The following HPS3 variants were observed in gnomAD, a reference collection of about 807,000 sequenced individuals.
HPS3 encodes HPS3 biogenesis of lysosomal organelles complex 2 subunit 1, also known as BLOC-2 complex member HPS3.
HPS3 carries 79 observed loss-of-function variants against 110.9 expected under a neutral mutation model. The observed-to-expected ratio is 0.71, with a 90% CI of 0.59 to 0.86. The LOEUF (loss-of-function observed/expected upper bound fraction) is 0.86. HPS3 is among the 40% of genes least tolerant of loss of function. The pLI is 0.00. For missense variants in HPS3, 1,197 were observed against 1,206.2 expected, an observed-to-expected ratio of 0.99 and a Z score of 0.11; for synonymous variants, 428 against 451.0, an observed-to-expected ratio of 0.95 and a Z score of 0.65.
Position 149,162,677 on chromosome 3 carries a change from T to C in HPS3, c.2293-13T>C. On this transcript the variant is annotated splice_polypyrimidine_tract_variant and intron_variant, in intron 12 of 16. Coordinates refer to ENST00000296051, the MANE Select transcript of HPS3 (RefSeq NM_032383.5). ...TTATCTGGAATATAGAGGCTCCTTT[T>C]ACTGTTTTTAAGGTGCTTTGTGCTA... 6.2e-7 allele frequency: 1 copy of C among 1,613,778 alleles called. No homozygotes were observed. Among genetic ancestry groups the C allele is most frequent in the Non-Finnish European group, 8.5e-7 (1 of 1,179,736 alleles).
At chr3:149,142,458 T>G (rs1375543333) in intron 4 of HPS3, among the ~76,000 whole-genome samples, 1 of 152,154 alleles carries the variant, frequency 6.6e-6, no homozygotes, top group African/African-American at 2.4e-5. Context: ...ATATTGATAC[T>G]CAGGCTCTAC....
chr3:149,132,095 G>A (rs1315624880), intron 1 of HPS3, among the ~76,000 whole-genome samples: 3 of 152,232 alleles, frequency 2.0e-5, no homozygotes, highest in African/African-American at 7.2e-5. Context: ...ATATAAAAGT[G>A]CAAGGTGAAA....
rs773089048 is a variant in HPS3, at chr3:149,129,789, G to A, written c.66G>A (p.Pro22=). 1 of 1,609,326 alleles carries A rather than the reference G, an allele frequency of 6.2e-7. No homozygotes were observed. Among genetic ancestry groups the A allele is most frequent in the Non-Finnish European group, 8.5e-7 (1 of 1,179,238 alleles). The change falls in exon 1 of 17, where the codon CCG becomes CCA. Residue 22 remains proline (P), a synonymous_variant. Transcript: ENST00000296051. The part of the protein sequence containing the change: ...SQQVVPCKLE[P]DRFCGGGRDA... ...AGGTGGTGCCCTGCAAGCTGGAGCC[G>A]GACCGGTTCTGTGGCGGGGGGCGTG...
intron 2 of HPS3, 65 bp from the exon 3 acceptor site, chr3:149,140,952 G>A: frequency 7.3e-7 from 1 of 1,377,336 alleles, no homozygotes; most frequent in Non-Finnish European, 1.0e-6. Flanking sequence ...ATGTCTAATT[G>A]GTGAGAGGAT....
At chr3:149,158,943 T>G (rs1326243555) in intron 10 of HPS3, 97 bp downstream of exon 10, 7 of 851,104 alleles carry the variant, frequency 8.2e-6, no homozygotes, top group Admixed American at 2.7e-5. Flanking sequence ...TTCCAAATAT[T>G]TTTCTTCTTT....
intron 10 of HPS3, 114 bp downstream of exon 10, chr3:149,158,960 C>G (rs1390372881): frequency 2.7e-6 from 2 of 736,148 alleles, no homozygotes; most frequent in Non-Finnish European, 4.5e-6. Context: ...CTTTGATACT[C>G]TTTTTCTAAA....
chr3:149,141,531 G>GTTTTTTTTTTTTTT (rs10718838), intron 4 of HPS3, 151 bp downstream of exon 4: 20 of 382,612 alleles, frequency 5.2e-5, no homozygotes, highest in Admixed American at 1.9e-4. Flanking sequence ...TTTTTTTTTT[G>GTTTTTTTTTTTTTT]TTTTTTTTTT....
chr3:149,169,504 A>T (rs1299487990), intron 16 of HPS3, among the ~76,000 whole-genome samples: 1 of 152,210 alleles, frequency 6.6e-6, no homozygotes. Context: ...TTATCTCTCT[A>T]ATACAGCATT....
chr3:149,130,439 G>T (rs1721691307), intron 1 of HPS3: 1 of 162,040 alleles, frequency 6.2e-6, no homozygotes, highest in East Asian at 1.8e-4. Flanking sequence ...ATTATGTGTT[G>T]ATTTTTAAAT....
intron 16 of HPS3, among the ~76,000 whole-genome samples, chr3:149,168,766 G>A (rs1469452849): frequency 6.6e-6 from 1 of 152,098 alleles, no homozygotes; most frequent in African/African-American, 2.4e-5. Context: ...GATTGCTTTA[G>A]GTTTTCAGAA....
intron 1 of HPS3, among the ~76,000 whole-genome samples, chr3:149,135,427 A>G (rs1722028320): frequency 6.6e-6 from 1 of 152,064 alleles, no homozygotes; most frequent in Non-Finnish European, 1.5e-5. Context: ...GTTTCTCATG[A>G]TAGTGAATTC....
At chr3:149,143,727 T>G (rs1281463591) in intron 4 of HPS3, among the ~76,000 whole-genome samples, 1 of 152,198 alleles carries the variant, frequency 6.6e-6, no homozygotes, top group Non-Finnish European at 1.5e-5. Context: ...AGCAGTTCTC[T>G]TTGGCCAGAG....
chr3:149,147,985 C>T (rs1424097151), intron 5 of HPS3, among the ~76,000 whole-genome samples: 1 of 152,094 alleles, frequency 6.6e-6, no homozygotes, highest in African/African-American at 2.4e-5. Flanking sequence ...ATTCTCCTGC[C>T]TCAACCTCCC....
At chr3:149,154,429 C>G (rs1238654726) in intron 7 of HPS3, among the ~76,000 whole-genome samples, 5 of 152,310 alleles carry the variant, frequency 3.3e-5, no homozygotes, top group Non-Finnish European at 7.4e-5. Context: ...GGTAACTGAT[C>G]ACTTTGAGTG....
chr3:149,130,607 C>T (rs1447656687), intron 1 of HPS3, among the ~76,000 whole-genome samples: 1 of 152,096 alleles, frequency 6.6e-6, no homozygotes, highest in Non-Finnish European at 1.5e-5. Flanking sequence ...TATTGAAACC[C>T]CGTCTGTACT....
rs200079039 is a variant in HPS3 at position 149,158,844 on chromosome 3, G to T, written c.1870G>T (p.Glu624Ter). The part of the protein sequence containing the change: ...LYENLDEELN[E>*]ELAAKVVQMF... ...TGAAAACCTGGATGAAGAATTAAATGAAGTGATTATAGTTTTCTGTTTTCT... is the reference window on the plus strand; with the variant it reads ...TGAAAACCTGGATGAAGAATTAAATTAAGTGATTATAGTTTTCTGTTTTCT... The change falls in exon 10 of 17, where the codon GAA becomes TAA. Residue 624 changes from glutamate (E) to a stop codon, truncating the protein, a stop_gained and splice_region_variant. Transcript: ENST00000296051. LOFTEE classifies it high-confidence loss of function. 155 of 1,562,722 alleles carry T rather than the reference G, an allele frequency of 9.9e-5. No individual in the cohort carries two copies. Among genetic ancestry groups the T allele is most frequent in the Non-Finnish European group, 1.3e-4 (146 of 1,133,776 alleles).
intron 6 of HPS3, among the ~76,000 whole-genome samples, chr3:149,152,384 A>C: frequency 6.6e-6 from 1 of 152,316 alleles, no homozygotes; most frequent in South Asian, 2.1e-4. Context: ...TCAGAGTCTT[A>C]TAAAAGGCAG....
At chr3:149,167,359 G>A in intron 15 of HPS3, 119 bp downstream of exon 15, 1 of 783,394 alleles carries the variant, frequency 1.3e-6, no homozygotes, top group South Asian at 1.5e-5. Context: ...AAGGCTGTGT[G>A]GGTCCATTGA....
rs774646241 is a variant in HPS3 at position 149,172,202 on chromosome 3, C to A, written c.2995C>A (p.Arg999=). 6.2e-7 allele frequency: 1 copy of A among 1,613,052 alleles called. No homozygotes were observed. The highest frequency in any genetic ancestry group is 1.1e-5 in the South Asian group (1 of 90,990). The change falls in exon 17 of 17, where the codon CGA becomes AGA. Residue 999 remains arginine (R), a synonymous_variant. Coordinates refer to ENST00000296051, the MANE Select transcript of HPS3 (RefSeq NM_032383.5). ...CTTGCCATATCTTCTCTATTGCAGT[C>A]GAAAGAAACCATTGACTTAAAGGTA... ...FFLPYLLYCS[R]KKPLT
Sources: allele counts gnomAD v4.1 joint callset (sites outside exome capture counted in the v4.1 genomes callset), GRCh38; gene constraint gnomAD v4.1.1; transcripts MANE v1.5; gene names NCBI Gene and HGNC (gene_info 2026-07-23, HGNC 2026-07-21).